Variants in HTRA4 observed in about 807,000 individuals in gnomAD.
HTRA4 encodes the protein serine protease HTRA4.
A neutral mutation model predicts 49.1 loss-of-function variants in HTRA4; 46 were observed. That is an observed-to-expected ratio of 0.94 (90% CI 0.74 to 1.20). The LOEUF is 1.20. HTRA4 is among the 50% of genes most tolerant of loss of function. The pLI is 0.00. For synonymous variants in HTRA4, 261 were observed against 264.0 expected, an observed-to-expected ratio of 0.99 and a Z score of 0.11; for missense variants, 602 against 636.9, an observed-to-expected ratio of 0.95 and a Z score of 0.59.
intron 3 of HTRA4, among the ~76,000 whole-genome samples, chr8:38,977,509 T>TTAACATAACATAACATAACATAACA (rs1835368127): frequency 6.6e-6 from 1 of 152,180 alleles, no homozygotes; most frequent in African/African-American, 2.4e-5. Flanking sequence ...AGAATCTGCA[T>TTAACATAACATAACATAACATAACA]TAACATAACA....
intron 2 of HTRA4, among the ~76,000 whole-genome samples, chr8:38,975,581 G>T (rs1436058282): frequency 6.6e-6 from 1 of 152,074 alleles, no homozygotes; most frequent in Non-Finnish European, 1.5e-5. Context: ...GCTAATATTT[G>T]TATTTTTTTG....
Position 38,974,313 on chromosome 8 carries a change from C to A in HTRA4, c.50C>A (p.Pro17Gln). The change falls in exon 1 of 9, where the codon CCG becomes CAG. Residue 17 changes from proline (P) to glutamine (Q), a missense_variant. Pro to Gln is a moderately conservative substitution (Grantham distance 76, BLOSUM62 -1). Transcript: ENST00000302495. ...RTAGLGRCLLPGLLLLLVPVL... is the reference protein window; with the variant it reads ...RTAGLGRCLLQGLLLLLVPVL... ...GCGGGGCTGGGACGATGCCTCCTGC[C>A]GGGGCTGCTGCTGCTCCTGGTGCCC... is the stretch of plus-strand genomic sequence containing the variant. The A allele has an allele frequency of 6.2e-7, 1 of 1,612,866 alleles. No individual in the cohort carries two copies. The highest frequency in any genetic ancestry group is 8.5e-7 in the Non-Finnish European group (1 of 1,179,722).
Position 38,988,116 on chromosome 8 carries a change from G to A in HTRA4, c.*18G>A. ...TCAATTAAATATCTTGTTTTAAAGT[G>A]GGATTATCTAAAAAAAAAAAAACCA... On this transcript the variant is annotated 3_prime_UTR_variant, in exon 9 of 9. Coordinates refer to ENST00000302495, the MANE Select transcript of HTRA4 (RefSeq NM_153692.4). The A allele has an allele frequency of 6.6e-7, 1 of 1,508,750 alleles. No homozygotes were observed. Among genetic ancestry groups the A allele is most frequent in the Non-Finnish European group, 8.8e-7 (1 of 1,132,808 alleles). 93.5% of individuals were successfully genotyped at this position (1,508,750 alleles called of 1,614,324 possible). A position where few individuals can be genotyped will look rare whatever the true frequency, so the allele number is the denominator to read the frequency against.
rs773305917 is a variant in HTRA4 at position 38,985,161 on chromosome 8, C to CTTTTT, written c.1268+2127_1268+2131dup. On this transcript the variant is annotated intron_variant, in intron 8 of 8. Coordinates refer to ENST00000302495, the MANE Select transcript of HTRA4 (RefSeq NM_153692.4). ...TCTCCTGGGCTTTTCTGTTGTACTT[C>CTTTTT]TTTTTTTTTTTTTTTTTTGAGACGG... is the stretch of plus-strand genomic sequence containing the variant. Among the ~76,000 whole-genome samples, 61 of 130,684 alleles carry CTTTTT rather than the reference C, an allele frequency of 4.7e-4. 1 individual carries two copies. Among genetic ancestry groups the CTTTTT allele is most frequent in the Non-Finnish European group, 6.7e-4 (42 of 62,878 alleles). The allele number at this position is 130,684 out of a possible 152,430, so 85.7% of individuals were successfully genotyped here.
chr8:38,977,183 G>A (rs1055290620), intron 3 of HTRA4, among the ~76,000 whole-genome samples: 6 of 151,882 alleles, frequency 4.0e-5, no homozygotes, highest in Non-Finnish European at 5.9e-5. Context: ...TGATCCGCCC[G>A]CTTCGGCCTC....
At chr8:38,986,007 TAAATA>T (rs1278747636) in intron 8 of HTRA4, among the ~76,000 whole-genome samples, 2 of 151,966 alleles carry the variant, frequency 1.3e-5, no homozygotes, top group Non-Finnish European at 2.9e-5. Flanking sequence ...TAAAGACAAA[TAAATA>T]AAATAAACAA....
rs527445905 is a variant in HTRA4 at position 38,974,713 on chromosome 8, G to A, written c.450G>A (p.Gly150=). 28 of 1,427,162 alleles carry A rather than the reference G, an allele frequency of 2.0e-5. No individual in the cohort carries two copies. The South Asian group carries it at 4.0e-4, about 21-fold the overall frequency. The allele number at this position is 1,427,162 out of a possible 1,614,324, so 88.4% of individuals were successfully genotyped here. A position where few individuals can be genotyped will look rare whatever the true frequency, so the allele number is the denominator to read the frequency against. ...TCCCGGCCGTGCCTGTGCAGTGGGG[G>A]AACTGCGGGGATACAGGTGAGCCGC... is the stretch of plus-strand genomic sequence containing the variant. ...GKVPAVPVQW[G]NCGDTGTRSA... is the part of the protein sequence containing the mutation. Residue 150 remains glycine, a synonymous_variant, in exon 1 of 9, where the codon GGG becomes GGA. Coordinates refer to ENST00000302495, the MANE Select transcript of HTRA4 (RefSeq NM_153692.4).
intron 6 of HTRA4, among the ~76,000 whole-genome samples, chr8:38,982,067 T>C (rs752060043): frequency 6.6e-6 from 1 of 152,012 alleles, no homozygotes; most frequent in Admixed American, 6.5e-5. Flanking sequence ...AGGCTGGTCT[T>C]GAACTCCTGA....
chr8:38,979,133 C>A, intron 4 of HTRA4, 82 bp from the exon 5 acceptor site: 1 of 1,309,744 alleles, frequency 7.6e-7, no homozygotes, highest in Non-Finnish European at 1.1e-6. Context: ...TTTTGGTAAA[C>A]TGTTTTGGGA....
intron 4 of HTRA4, 121 bp downstream of exon 4, chr8:38,978,268 C>T (rs565146591): frequency 2.1e-5 from 16 of 761,988 alleles, no homozygotes; most frequent in South Asian, 1.2e-4. Flanking sequence ...AATGACTGCC[C>T]GAGTTCCACC....
intron 5 of HTRA4, among the ~76,000 whole-genome samples, chr8:38,979,673 T>TTTTATTTA (rs766023340): frequency 1.3e-5 from 2 of 152,154 alleles, no homozygotes; most frequent in African/African-American, 4.8e-5. Context: ...AAGCCCTGGA[T>TTTTATTTA]TTTATTTATT....
intron 8 of HTRA4, among the ~76,000 whole-genome samples, chr8:38,986,389 T>C (rs1835482819): frequency 6.6e-6 from 1 of 152,170 alleles, no homozygotes; most frequent in Admixed American, 6.5e-5. Context: ...TTCAAGCGAT[T>C]CTTCTGCCTC....
intron 5 of HTRA4, among the ~76,000 whole-genome samples, chr8:38,981,204 C>T (rs1045823028): frequency 6.7e-6 from 1 of 149,692 alleles, no homozygotes. Flanking sequence ...CTCAGCCTCC[C>T]GAGTAGCTGG....
intron 8 of HTRA4, among the ~76,000 whole-genome samples, chr8:38,984,479 A>T (rs1200045380): frequency 6.6e-6 from 1 of 151,300 alleles, no homozygotes; most frequent in African/African-American, 2.4e-5. Context: ...AGGTGCCGTG[A>T]CTCACGCCTG....
At chr8:38,984,147 C>A (rs940784997) in intron 8 of HTRA4, among the ~76,000 whole-genome samples, 1 of 151,860 alleles carries the variant, frequency 6.6e-6, no homozygotes, top group African/African-American at 2.4e-5. Context: ...ATTACAGGCA[C>A]CCGCCACCAC....
chr8:38,976,072 A>G (rs758363704), intron 2 of HTRA4, among the ~76,000 whole-genome samples: 2 of 152,212 alleles, frequency 1.3e-5, no homozygotes, highest in Non-Finnish European at 2.9e-5. Flanking sequence ...CCACTGATAC[A>G]TGGAGAAAAT....
chr8:38,981,054 T>G (rs1835412005), intron 5 of HTRA4, among the ~76,000 whole-genome samples: 1 of 137,896 alleles, frequency 7.3e-6, no homozygotes. Context: ...AGGAAAAAAA[T>G]GAGCTTAAGT....
intron 3 of HTRA4, 120 bp from the exon 4 acceptor site, chr8:38,977,833 T>C (rs1169537857): frequency 3.1e-6 from 3 of 975,912 alleles, no homozygotes; most frequent in Non-Finnish European, 3.0e-6. Flanking sequence ...TCTCAGGTGG[T>C]AAGGGCCAAG....
chr8:38,976,457 G>T, intron 2 of HTRA4, 78 bp from the exon 3 acceptor site: 2 of 1,306,982 alleles, frequency 1.5e-6, no homozygotes, highest in Non-Finnish European at 1.1e-6. Flanking sequence ...TAAGAGTGAG[G>T]TTCCCATGAC....
Sources: gnomAD v4.1 joint callset for allele counts (sites outside exome capture counted in the v4.1 genomes callset) on GRCh38, gnomAD v4.1.1 for gene constraint, MANE v1.5 for transcripts, NCBI Gene and HGNC (gene_info 2026-07-23, HGNC 2026-07-21) for gene names.